B3GALT1: variants seen among roughly 807,000 people sequenced by gnomAD.
B3GALT1 encodes UDP-Gal:betaGlcNAc beta 1,3-galactosyltransferase, polypeptide 1.
A neutral mutation model predicts 23.2 loss-of-function variants in B3GALT1; 10 were observed. The observed-to-expected ratio is 0.43, with a 90% confidence interval of 0.27 to 0.73. The LOEUF is 0.73. Among genes scored for constraint, B3GALT1 ranks in the 30% least tolerant of loss-of-function variants. B3GALT1 has a pLI of 0.21. For synonymous variants in B3GALT1, 156 were observed against 141.5 expected, an observed-to-expected ratio of 1.10 and a Z score of -0.73; for missense variants, 299 against 405.4, an observed-to-expected ratio of 0.74 and a Z score of 2.25.
intron 1 of B3GALT1, among the ~76,000 whole-genome samples, chr2:167,301,770 A>G (rs1164628642): frequency 1.3e-5 from 2 of 152,138 alleles, no homozygotes; most frequent in African/African-American, 4.8e-5. Flanking sequence ...GCCAGTGACA[A>G]ACTCCTGACC....
chr2:167,561,578 AAGAG>A (rs1212262792), intron 2 of B3GALT1, among the ~76,000 whole-genome samples: 11 of 152,302 alleles, frequency 7.2e-5, no homozygotes, highest in Admixed American at 2.0e-4. Flanking sequence ...TGAAGAAAAA[AAGAG>A]AGAAGAATCA....
intron 1 of B3GALT1, among the ~76,000 whole-genome samples, chr2:167,320,076 T>C (rs1696784691): frequency 6.6e-6 from 1 of 152,086 alleles, no homozygotes; most frequent in South Asian, 2.1e-4. Flanking sequence ...GACTTCTTTT[T>C]GAAATAAAAT....
chr2:167,441,780 C>T (rs1371273441), intron 1 of B3GALT1, among the ~76,000 whole-genome samples: 2 of 151,606 alleles, frequency 1.3e-5, no homozygotes, highest in Non-Finnish European at 2.9e-5. Context: ...GTAGTCTCAG[C>T]TACTCAGGAG....
intron 2 of B3GALT1, among the ~76,000 whole-genome samples, chr2:167,617,363 A>G (rs1410053831): frequency 6.6e-6 from 1 of 151,984 alleles, no homozygotes; most frequent in African/African-American, 2.4e-5. Context: ...TCACATATTC[A>G]CTCTTAAACC....
chr2:167,800,345 A>C (rs898897986), intron 3 of B3GALT1, among the ~76,000 whole-genome samples: 4 of 152,154 alleles, frequency 2.6e-5, no homozygotes, highest in Non-Finnish European at 5.9e-5. Flanking sequence ...CCCCACAATC[A>C]AATAATCTCT....
chr2:167,388,486 A>G (rs187488976), intron 1 of B3GALT1, among the ~76,000 whole-genome samples: 1 of 152,308 alleles, frequency 6.6e-6, no homozygotes, highest in East Asian at 1.9e-4. Flanking sequence ...GGCCTCACTC[A>G]AGTTCTTTTA....
At chr2:167,844,520 C>A (rs573967323) in intron 4 of B3GALT1, among the ~76,000 whole-genome samples, 29 of 152,310 alleles carry the variant, frequency 1.9e-4, no homozygotes, top group East Asian at 1.7e-3. Flanking sequence ...AAGCTTCAGA[C>A]CTTACCTGGA....
chr2:167,637,302 T>G (rs1008637027), intron 2 of B3GALT1, among the ~76,000 whole-genome samples: 14 of 152,014 alleles, frequency 9.2e-5, no homozygotes, highest in Non-Finnish European at 1.8e-4. Flanking sequence ...ACCAATGTTC[T>G]GACGGCCGCA....
At chr2:167,838,553 A>G (rs1689548100) in intron 4 of B3GALT1, among the ~76,000 whole-genome samples, 1 of 152,306 alleles carries the variant, frequency 6.6e-6, no homozygotes, top group Admixed American at 6.5e-5. Context: ...CCGACCATAA[A>G]GAGTCCAGGA....
chr2:167,513,080 AAAAAAAAAAAAGT>A (rs1023932004), intron 2 of B3GALT1, among the ~76,000 whole-genome samples: 1 of 141,822 alleles, frequency 7.1e-6, no homozygotes, highest in Non-Finnish European at 1.5e-5. Context: ...AAAAAAAAAA[AAAAAAAAAAAAGT>A]GGAATCACTC....
chr2:167,614,109 C>T (rs980970450), intron 2 of B3GALT1, among the ~76,000 whole-genome samples: 1 of 151,312 alleles, frequency 6.6e-6, no homozygotes, highest in African/African-American at 2.4e-5. Context: ...GAAAAATTAA[C>T]AAAATTACTA....
At chr2:167,591,889 G>T (rs1684688642) in intron 2 of B3GALT1, among the ~76,000 whole-genome samples, 1 of 152,122 alleles carries the variant, frequency 6.6e-6, no homozygotes. Context: ...ATGACCCAAA[G>T]GTGAGATGAT....
Position 167,627,251 on chromosome 2 carries a change from C to G in B3GALT1, c.-409-19658C>G, listed in dbSNP as rs528671630. Among the ~76,000 whole-genome samples, 3 of 151,772 alleles carry G rather than the reference C, an allele frequency of 2.0e-5. No individual in the cohort carries two copies. The East Asian group carries it at 5.8e-4, about 30-fold the overall frequency. ...CAGACCTATACAGCTGTGTAGGCATCACTACAATCAAGATGTAGAATATTT... is the reference window on the plus strand; with the variant it reads ...CAGACCTATACAGCTGTGTAGGCATGACTACAATCAAGATGTAGAATATTT... On this transcript the variant is annotated intron_variant, in intron 2 of 4. Coordinates refer to ENST00000392690, the MANE Select transcript of B3GALT1 (RefSeq NM_020981.4).
intron 3 of B3GALT1, among the ~76,000 whole-genome samples, chr2:167,779,040 G>A (rs1000924115): frequency 3.9e-5 from 6 of 152,186 alleles, no homozygotes; most frequent in African/African-American, 9.7e-5. Flanking sequence ...TTTGACCACA[G>A]AATTGGAAGG....
intron 3 of B3GALT1, among the ~76,000 whole-genome samples, chr2:167,747,710 A>C (rs1687673504): frequency 6.6e-6 from 1 of 152,216 alleles, no homozygotes; most frequent in African/African-American, 2.4e-5. Context: ...TTCCTGCGGA[A>C]TTTCATCTGG....
intron 3 of B3GALT1, among the ~76,000 whole-genome samples, chr2:167,791,483 G>T (rs185284048): frequency 1.3e-5 from 2 of 152,114 alleles, no homozygotes; most frequent in Non-Finnish European, 2.9e-5. Context: ...AGCTATAGTA[G>T]ACTGCCTTCT....
chr2:167,496,524 G>A (rs1161156277), intron 2 of B3GALT1, among the ~76,000 whole-genome samples: 2 of 152,136 alleles, frequency 1.3e-5, no homozygotes, highest in East Asian at 3.8e-4. Flanking sequence ...GATATTATAA[G>A]GAAGTTTTTA....
intron 2 of B3GALT1, among the ~76,000 whole-genome samples, chr2:167,548,755 A>G (rs984339368): frequency 6.6e-6 from 1 of 150,934 alleles, no homozygotes; most frequent in Non-Finnish European, 1.5e-5. Context: ...TTTTATCTTA[A>G]GTCTTAAATT....
intron 1 of B3GALT1, among the ~76,000 whole-genome samples, chr2:167,435,956 C>A (rs202056858): frequency 1.4e-5 from 1 of 69,490 alleles, no homozygotes; most frequent in East Asian, 6.5e-4. Context: ...CACACACAAA[C>A]ACACACACAC....
Sources: allele counts gnomAD v4.1 joint callset (sites outside exome capture counted in the v4.1 genomes callset), GRCh38; gene constraint gnomAD v4.1.1; transcripts MANE v1.5; gene names NCBI Gene and HGNC (gene_info 2026-07-23, HGNC 2026-07-21).